AP2A2: variants seen among roughly 807,000 people sequenced by gnomAD.
AP2A2 encodes adaptor related protein complex 2 subunit alpha 2.
In AP2A2, 32 loss-of-function variants were observed where a neutral mutation model predicts 104.2. That is an observed-to-expected ratio of 0.31 (90% confidence interval 0.23 to 0.41). AP2A2 has a LOEUF of 0.41. Among genes scored for constraint, AP2A2 ranks in the 10% least tolerant of loss-of-function variants. The pLI is 1.00. For synonymous variants in AP2A2, 539 were observed against 533.3 expected (o/e 1.01, Z -0.15); for missense variants, 912 against 1,261.0 (o/e 0.72, Z 4.19).
At chr11:986,344 G>A (rs1327562390) in intron 8 of AP2A2, among the ~76,000 whole-genome samples, 2 of 152,234 alleles carry the variant, frequency 1.3e-5, no homozygotes, top group Non-Finnish European at 2.9e-5. Flanking sequence ...AAGCTCTGTT[G>A]TTATGTGAGG....
chr11:929,834 G>A (rs893822538), intron 1 of AP2A2, among the ~76,000 whole-genome samples: 8 of 152,000 alleles, frequency 5.3e-5, no homozygotes, highest in Non-Finnish European at 8.8e-5. Context: ...TCCAAGACCT[G>A]GTGCCAGCCG....
At chr11:970,101 C>T (rs1306620091) in intron 2 of AP2A2, 68 bp from the exon 3 acceptor site, 38 of 1,559,124 alleles carry the variant, frequency 2.4e-5, no homozygotes, top group Non-Finnish European at 2.9e-5. Context: ...GCTGCACTGC[C>T]CTCTGCTCTC....
intron 10 of AP2A2, among the ~76,000 whole-genome samples, chr11:991,070 G>C (rs1318207284): frequency 6.6e-6 from 1 of 151,192 alleles, no homozygotes; most frequent in Non-Finnish European, 1.5e-5. Flanking sequence ...TTTCAGCCGG[G>C]TATGGTGCTC....
intron 2 of AP2A2, among the ~76,000 whole-genome samples, chr11:963,880 C>T (rs750000892): frequency 6.6e-6 from 1 of 152,248 alleles, no homozygotes; most frequent in Admixed American, 6.5e-5. Context: ...TCTGCCTTGA[C>T]CTCCCAAAGT....
intron 1 of AP2A2, among the ~76,000 whole-genome samples, chr11:950,498 T>G (rs1317444127): frequency 1.3e-5 from 2 of 152,000 alleles, no homozygotes; most frequent in African/African-American, 2.4e-5. Flanking sequence ...TTTGTAGAGA[T>G]AGGGTTTTGC....
At chr11:939,411 C>T (rs1168336761) in intron 1 of AP2A2, among the ~76,000 whole-genome samples, 1 of 152,018 alleles carries the variant, frequency 6.6e-6, no homozygotes, top group East Asian at 1.9e-4. Context: ...TGTGTTCCTA[C>T]TATTTATGGG....
intron 2 of AP2A2, among the ~76,000 whole-genome samples, chr11:965,693 G>C (rs759420625): frequency 6.6e-6 from 1 of 152,230 alleles, no homozygotes; most frequent in African/African-American, 2.4e-5. Context: ...CTGACCTGCA[G>C]ACGCATGGGC....
chr11:974,982 TCAAAAA>T (rs1043829474), intron 4 of AP2A2, among the ~76,000 whole-genome samples: 1 of 152,076 alleles, frequency 6.6e-6, no homozygotes, highest in Non-Finnish European at 1.5e-5. Context: ...AGACTCTGTC[TCAAAAA>T]CAAAAACAAA....
intron 15 of AP2A2, among the ~76,000 whole-genome samples, chr11:1,001,023 AGGCCC>A (rs1364033344): frequency 6.6e-6 from 1 of 152,068 alleles, no homozygotes; most frequent in African/African-American, 2.4e-5. Context: ...TCTGTCCTGG[AGGCCC>A]GGTCTCTTGT....
At chr11:1,006,039 G>A (rs1427124953) in intron 16 of AP2A2, among the ~76,000 whole-genome samples, 1 of 152,290 alleles carries the variant, frequency 6.6e-6, no homozygotes, top group Non-Finnish European at 1.5e-5. Context: ...CACCGATGCT[G>A]TGCTGGACGC....
In AP2A2 at chr11:1,007,727, A is replaced by G; in HGVS notation, c.2297-285A>G. 1.7e-5 allele frequency: 9 copies of G among 515,410 alleles called. No homozygotes were observed. In the South Asian group the frequency reaches 1.9e-4, roughly 11 times the overall value. The allele number at this position is 515,410 out of a possible 1,614,324, so 31.9% of individuals were successfully genotyped here. ...AACGGTGACAAAAATTGTGTGTGTA[A>G]GACCCAGAGCCGAGGCTCAGAGTGA... On this transcript the variant is annotated intron_variant, in intron 17 of 21. Coordinates refer to ENST00000448903, the MANE Select transcript of AP2A2 (RefSeq NM_012305.4).
intron 3 of AP2A2, 63 bp downstream of exon 3, chr11:970,374 G>A: frequency 5.7e-6 from 9 of 1,576,066 alleles, no homozygotes; most frequent in Non-Finnish European, 7.8e-6. Context: ...CTGAGGCCCG[G>A]TGCCCGTGTA....
intron 1 of AP2A2, among the ~76,000 whole-genome samples, chr11:953,986 C>T (rs1191428588): frequency 2.0e-5 from 3 of 152,054 alleles, no homozygotes; most frequent in African/African-American, 4.8e-5. Context: ...AGGCGCCTGC[C>T]ACCATGCCTG....
chr11:988,544 T>C lies in AP2A2; in HGVS notation c.1132-8T>C. Reference sequence around the variant, plus strand: ...CTGCGACCTCTTACTCTGTGCCTTGTTCCCCAGACTGAGCGGGACGTGAGC... The same window carrying C: ...CTGCGACCTCTTACTCTGTGCCTTGCTCCCCAGACTGAGCGGGACGTGAGC... On this transcript the variant is annotated splice_region_variant and splice_polypyrimidine_tract_variant and intron_variant, in intron 9 of 21. Transcript: ENST00000448903. 6.2e-7 allele frequency: 1 copy of C among 1,609,564 alleles called. No homozygotes were observed. The highest frequency in any genetic ancestry group is 8.5e-7 in the Non-Finnish European group (1 of 1,179,548).
In AP2A2 at chr11:1,000,421, T is replaced by C; in HGVS notation, c.1957-11T>C. On this transcript the variant is annotated splice_polypyrimidine_tract_variant and intron_variant, in intron 14 of 21. Transcript: ENST00000448903. Reference sequence around the variant, plus strand: ...GGCTCTCTGCTGATGCTCTCCTTCCTTCTCTTCCAGTCTACGCCTTCTCCG... The same window carrying C: ...GGCTCTCTGCTGATGCTCTCCTTCCCTCTCTTCCAGTCTACGCCTTCTCCG... The C allele has an allele frequency of 6.5e-7, 1 of 1,544,064 alleles. No homozygotes were observed.
At chr11:995,565 A>C (rs1855824205) in intron 14 of AP2A2, among the ~76,000 whole-genome samples, 1 of 151,624 alleles carries the variant, frequency 6.6e-6, no homozygotes, top group South Asian at 2.1e-4. Context: ...CTGCCCTGGC[A>C]GTGTGCTGGT....
chr11:979,246 C>T (rs1855158474), intron 5 of AP2A2, among the ~76,000 whole-genome samples: 1 of 149,792 alleles, frequency 6.7e-6, no homozygotes, highest in African/African-American at 2.5e-5. Flanking sequence ...ATGCGTGTTT[C>T]CTGGGGGAAC....
chr11:1,009,005 G>GCAGTAC lies in AP2A2; in HGVS notation c.2421-95_2421-94insCAGTAC. 2.9e-6 allele frequency: 3 copies of GCAGTAC among 1,029,210 alleles called. No individual in the cohort carries two copies. The South Asian group carries it at 4.3e-5, about 15-fold the overall frequency. The allele number at this position is 1,029,210 out of a possible 1,614,324, so 63.8% of individuals were successfully genotyped here. On this transcript the variant is annotated intron_variant, in intron 18 of 21. Transcript: ENST00000448903. ...CGACCCGCTCTGGTGGGTGGCAGTA[G>GCAGTAC]ATCGGGACGCTTCTCACTCCAGGCT...
intron 2 of AP2A2, among the ~76,000 whole-genome samples, chr11:965,966 G>A (rs1440813348): frequency 6.6e-6 from 1 of 152,052 alleles, no homozygotes; most frequent in African/African-American, 2.4e-5. Context: ...TCCACCTCCC[G>A]AGTGGCTAGG....
Sources: allele counts gnomAD v4.1 joint callset (sites outside exome capture counted in the v4.1 genomes callset), GRCh38; gene constraint gnomAD v4.1.1; transcripts MANE v1.5; gene names NCBI Gene and HGNC (gene_info 2026-07-23, HGNC 2026-07-21).